The following ANAPC5 variants were observed in gnomAD, a reference collection of about 807,000 sequenced individuals.
ANAPC5 encodes the protein anaphase-promoting complex subunit 5.
In ANAPC5, 60 loss-of-function variants were observed where a neutral mutation model predicts 91.3. The observed-to-expected ratio is 0.66, with a 90% confidence interval of 0.53 to 0.81. ANAPC5 has a LOEUF of 0.81. ANAPC5 is among the 40% of genes least tolerant of loss of function. The pLI, the probability that ANAPC5 is intolerant of heterozygous loss-of-function variation, is 0.00. For missense variants in ANAPC5, 690 were observed against 931.5 expected (o/e 0.74, Z 3.37); for synonymous variants, 340 against 364.1 (o/e 0.93, Z 0.75).
intron 4 of ANAPC5, among the ~76,000 whole-genome samples, chr12:121,343,112 CATAA>C (rs1413181638): frequency 6.6e-6 from 1 of 152,056 alleles, no homozygotes; most frequent in African/African-American, 2.4e-5. Flanking sequence ...TTGGATTATA[CATAA>C]ATGACTTCTT....
At chr12:121,332,754 A>G (rs1383878011) in intron 7 of ANAPC5, 1 of 152,182 alleles carries the variant, frequency 6.6e-6, no homozygotes, top group African/African-American at 2.4e-5. Flanking sequence ...GCCTGAGTAA[A>G]TCAGGAATTA....
chr12:121,344,403 AC>A (rs1157744069), intron 4 of ANAPC5, among the ~76,000 whole-genome samples: 2 of 152,152 alleles, frequency 1.3e-5, no homozygotes, highest in Non-Finnish European at 2.9e-5. Context: ...ACACAGTGAA[AC>A]CCCATCTCTA....
intron 12 of ANAPC5, 114 bp from the exon 13 acceptor site, chr12:121,319,932 TC>T: frequency 9.2e-7 from 1 of 1,084,644 alleles, no homozygotes; most frequent in Non-Finnish European, 1.3e-6. Flanking sequence ...TCACACATAT[TC>T]TTTTTTGGGG....
At chr12:121,347,166 TC>T in intron 2 of ANAPC5, 161 bp from the exon 3 acceptor site, 1 of 513,770 alleles carries the variant, frequency 1.9e-6, no homozygotes, top group Non-Finnish European at 3.4e-6. Context: ...AAAATGTTAC[TC>T]CCGTATTTCT....
rs184803934 is a variant in ANAPC5, at chr12:121,338,546, G to A, written c.658-1154C>T. 6.6e-5 allele frequency among the ~76,000 whole-genome samples: 10 copies of A among 152,108 alleles called. No individual in the cohort carries two copies. In the East Asian group the frequency reaches 1.2e-3, roughly 18 times the overall value. ...AGAGATTACAGTGAGCCGAAATCACGCCACTGCACTCCAGCCTGGGTGACA... is the reference window on the plus strand; with the variant it reads ...AGAGATTACAGTGAGCCGAAATCACACCACTGCACTCCAGCCTGGGTGACA... On this transcript the variant is annotated intron_variant, in intron 5 of 16. Transcript: ENST00000261819.
intron 7 of ANAPC5, chr12:121,334,460 A>G (rs2136793192): frequency 6.6e-6 from 1 of 152,362 alleles, no homozygotes; most frequent in South Asian, 2.1e-4. Flanking sequence ...CTCAACTGGT[A>G]AAAAGCCACA....
chr12:121,345,797 T>C, intron 4 of ANAPC5, 42 bp downstream of exon 4: 1 of 1,551,870 alleles, frequency 6.4e-7, no homozygotes, highest in Non-Finnish European at 8.8e-7. Context: ...GAAATTATAC[T>C]ATTTCACAGG....
chr12:121,349,978 C>T (rs893447600), intron 1 of ANAPC5, among the ~76,000 whole-genome samples: 5 of 151,864 alleles, frequency 3.3e-5, no homozygotes, highest in African/African-American at 1.2e-4. Context: ...CCCAAAGTGC[C>T]GGGGTTACAG....
chr12:121,339,779 T>A (rs1010056709), intron 5 of ANAPC5, among the ~76,000 whole-genome samples: 2 of 152,148 alleles, frequency 1.3e-5, no homozygotes, highest in African/African-American at 2.4e-5. Context: ...TGTTTGCCTG[T>A]TAATTATGTT....
intron 15 of ANAPC5, 130 bp from the exon 16 acceptor site, chr12:121,309,993 T>A: frequency 1.3e-6 from 1 of 797,798 alleles, no homozygotes; most frequent in Non-Finnish European, 1.9e-6. Context: ...TGTACTACGT[T>A]AAAACAGGAA....
chr12:121,344,084 T>C (rs1903564391), intron 4 of ANAPC5, among the ~76,000 whole-genome samples: 1 of 152,212 alleles, frequency 6.6e-6, no homozygotes, highest in African/African-American at 2.4e-5. Context: ...ATGGACTATA[T>C]ATTGATTCAT....
At chr12:121,320,593 C>A in intron 11 of ANAPC5, 134 bp from the exon 12 acceptor site, 4 of 598,232 alleles carry the variant, frequency 6.7e-6, no homozygotes, top group Non-Finnish European at 8.5e-6. Context: ...GTCAGAGACT[C>A]AAATTTCTTT....
chr12:121,309,939 G>T (rs1490073526), intron 15 of ANAPC5, 76 bp from the exon 16 acceptor site: 7 of 1,413,572 alleles, frequency 5.0e-6, no homozygotes, highest in African/African-American at 1.4e-5. Context: ...ATTTCTGGCA[G>T]TTCTCTCCTG....
intron 15 of ANAPC5, chr12:121,318,038 C>T (rs1420954488): frequency 2.0e-5 from 7 of 349,484 alleles, no homozygotes; most frequent in African/African-American, 6.3e-5. Flanking sequence ...ACTGAAGAGG[C>T]GAGTCCTCCT....
upstream of ANAPC5, among the ~76,000 whole-genome samples, chr12:121,352,753 T>C (rs945765876): frequency 5.1e-5 from 2 of 39,258 alleles, no homozygotes; most frequent in Non-Finnish European, 2.3e-4. Context: ...TTGTTGTTGT[T>C]TGAGACGATA....
rs115883214 is a variant in ANAPC5, at chr12:121,308,612, G to A, written c.2136C>T (p.Asp712=). The A allele has an allele frequency of 7.8e-4, 1,261 of 1,614,104 alleles. 11 individuals carry two copies. In the African/African-American group the frequency reaches 0.015, roughly 19 times the overall value. The part of the protein sequence containing the change: ...AKVDCKERIR[D]VVYFQARLYH... ...AGAGTCTGGCCTGGAAGTAAACGACGTCCCTGATGCGCTCTTTGCAGTCAA... is the reference window on the plus strand; with the variant it reads ...AGAGTCTGGCCTGGAAGTAAACGACATCCCTGATGCGCTCTTTGCAGTCAA... The change falls in exon 17 of 17, where the codon GAC becomes GAT. Residue 712 remains aspartate (D), a synonymous_variant. Coordinates refer to ENST00000261819, the MANE Select transcript of ANAPC5 (RefSeq NM_016237.5).
At chr12:121,313,366 G>A (rs1169818301) in intron 15 of ANAPC5, among the ~76,000 whole-genome samples, 1 of 151,948 alleles carries the variant, frequency 6.6e-6, no homozygotes, top group Non-Finnish European at 1.5e-5. Context: ...AAGCAAACTA[G>A]ACCTAAAGCT....
Position 121,337,353 on chromosome 12 carries a change from G to C in ANAPC5, c.697C>G (p.Pro233Ala), listed in dbSNP as rs1903278070. ...LKNDETKALT[P>A]ASLQKELNNL... ...TTTAATTCCTTCTGCAAGGAAGCTG[G>C]AGTGAGGGCCTTAGTCTCATCATTC... is the stretch of plus-strand genomic sequence containing the variant. The change falls in exon 6 of 17, where the codon CCA becomes GCA. Residue 233 changes from proline (P) to alanine (A), a missense_variant. This residue lies in a region of ANAPC5 where 83 missense variants were observed against 150.8 expected (regional missense o/e 0.55). Transcript: ENST00000261819. 2.5e-6 allele frequency: 4 copies of C among 1,613,888 alleles called. No individual in the cohort carries two copies. The highest frequency in any genetic ancestry group is 3.4e-6 in the Non-Finnish European group (4 of 1,179,882).
chr12:121,327,277 G>A, intron 10 of ANAPC5, 46 bp from the exon 11 acceptor site: 1 of 1,603,314 alleles, frequency 6.2e-7, no homozygotes, highest in South Asian at 1.1e-5. Context: ...AGCAGACCTG[G>A]CTGCGCTTTG....
Sources: gnomAD v4.1 joint callset for allele counts (sites outside exome capture counted in the v4.1 genomes callset) on GRCh38, gnomAD v4.1.1 for gene constraint, gnomAD v4.1.1 regional missense constraint, MANE v1.5 for transcripts, NCBI Gene and HGNC (gene_info 2026-07-23, HGNC 2026-07-21) for gene names.